PKP4: variants seen among roughly 807,000 people sequenced by gnomAD.
The protein encoded by PKP4 is plakophilin 4.
PKP4 carries 90 observed loss-of-function variants against 145.1 expected under a neutral mutation model. The observed-to-expected ratio is 0.62, with a 90% CI of 0.52 to 0.74. The LOEUF is 0.74. PKP4 is among the 30% of genes least tolerant of loss of function. PKP4 has a pLI of 0.00. For synonymous variants in PKP4, 563 were observed against 577.2 expected (o/e 0.98, Z 0.35); for missense variants, 1,340 against 1,482.7 (o/e 0.90, Z 1.58).
chr2:158,543,454 G>A (rs1053802791), intron 2 of PKP4, among the ~76,000 whole-genome samples: 4 of 152,178 alleles, frequency 2.6e-5, no homozygotes, highest in African/African-American at 9.7e-5. Context: ...TATGTCGGGG[G>A]AAGAGACAGA....
intron 10 of PKP4, among the ~76,000 whole-genome samples, chr2:158,641,369 T>C (rs932749338): frequency 1.3e-5 from 2 of 152,132 alleles, no homozygotes; most frequent in African/African-American, 4.8e-5. Flanking sequence ...AATTATAGTA[T>C]TCATTGAACT....
intron 4 of PKP4, among the ~76,000 whole-genome samples, chr2:158,610,644 A>AT (rs1473563881): frequency 6.6e-6 from 1 of 152,160 alleles, no homozygotes; most frequent in Non-Finnish European, 1.5e-5. Flanking sequence ...ACAGTCATTG[A>AT]TTGTTACTTA....
At chr2:158,660,731 A>G (rs1235852656) in intron 12 of PKP4, 2 of 152,226 alleles carry the variant, frequency 1.3e-5, no homozygotes, top group Non-Finnish European at 2.9e-5. Flanking sequence ...GTTTTAGCAT[A>G]AGCAAATATC....
intron 9 of PKP4, among the ~76,000 whole-genome samples, chr2:158,639,515 T>G (rs1315005162): frequency 6.6e-6 from 1 of 152,212 alleles, no homozygotes; most frequent in African/African-American, 2.4e-5. Context: ...TTTTAAAGGT[T>G]TACTCAGTAT....
intron 11 of PKP4, among the ~76,000 whole-genome samples, chr2:158,645,945 C>T (rs1056950232): frequency 6.6e-6 from 1 of 152,138 alleles, no homozygotes; most frequent in African/African-American, 2.4e-5. Context: ...ACTAGGTTAC[C>T]TGGAGCACAC....
At chr2:158,520,143 C>T (rs915829421) in intron 1 of PKP4, among the ~76,000 whole-genome samples, 9 of 152,142 alleles carry the variant, frequency 5.9e-5, no homozygotes, top group Non-Finnish European at 1.0e-4. Context: ...AACCATTTTG[C>T]AGTGCTTTCC....
At chr2:158,631,988 C>T (rs764568436) in intron 8 of PKP4, 47 bp downstream of exon 8, 2 of 1,543,710 alleles carry the variant, frequency 1.3e-6, no homozygotes, top group Non-Finnish European at 1.8e-6. Context: ...ATAGGCCCCA[C>T]AGTAGAAGTG....
At chr2:158,608,808 CTTTTTT>C (rs66933766) in intron 4 of PKP4, among the ~76,000 whole-genome samples, 2 of 86,182 alleles carry the variant, frequency 2.3e-5, no homozygotes, top group Non-Finnish European at 4.2e-5. Context: ...TCTTTTCTTT[CTTTTTT>C]TTTTTTTTTT....
chr2:158,530,182 GC>G (rs1350832208), intron 1 of PKP4, among the ~76,000 whole-genome samples: 2 of 152,112 alleles, frequency 1.3e-5, no homozygotes, highest in African/African-American at 4.8e-5. Context: ...TTTCTGTGGT[GC>G]CCCATTTTAG....
At chr2:158,608,500 A>G (rs1044084231) in intron 4 of PKP4, among the ~76,000 whole-genome samples, 2 of 152,186 alleles carry the variant, frequency 1.3e-5, no homozygotes, top group African/African-American at 2.4e-5. Flanking sequence ...TAATAACTGC[A>G]TAGTTCCTTA....
chr2:158,480,505 T>C (rs937501232), intron 1 of PKP4, among the ~76,000 whole-genome samples: 1 of 151,650 alleles, frequency 6.6e-6, no homozygotes, highest in Non-Finnish European at 1.5e-5. Context: ...CCAAAGTAGC[T>C]GGATTACAGG....
intron 11 of PKP4, among the ~76,000 whole-genome samples, chr2:158,650,336 T>C (rs1487378358): frequency 6.6e-6 from 1 of 152,202 alleles, no homozygotes; most frequent in East Asian, 1.9e-4. Context: ...CATTATGTCA[T>C]TAATCCTCAA....
chr2:158,503,594 A>G (rs1431063916), intron 1 of PKP4, among the ~76,000 whole-genome samples: 1 of 152,174 alleles, frequency 6.6e-6, no homozygotes, highest in African/African-American at 2.4e-5. Context: ...TTGAAATTTT[A>G]TGTTAAAATT....
At chr2:158,557,462 G>T (rs997182996) in intron 2 of PKP4, among the ~76,000 whole-genome samples, 1 of 152,102 alleles carries the variant, frequency 6.6e-6, no homozygotes, top group African/African-American at 2.4e-5. Context: ...CAAGGTTTCT[G>T]GGACTAAAGT....
chr2:158,549,962 A>G (rs1287927984), intron 2 of PKP4, among the ~76,000 whole-genome samples: 1 of 152,202 alleles, frequency 6.6e-6, no homozygotes, highest in Non-Finnish European at 1.5e-5. Flanking sequence ...ACCTAATGTA[A>G]GTAATATTTT....
At chr2:158,640,241 C>T (rs1316217762) in intron 9 of PKP4, among the ~76,000 whole-genome samples, 1 of 152,234 alleles carries the variant, frequency 6.6e-6, no homozygotes, top group Non-Finnish European at 1.5e-5. Context: ...CCTTCCTCTC[C>T]CTTCAGGCAT....
At position 158,618,344 on chromosome 2, in the gene PKP4, A is replaced by C. The variant is rs140021320; in HGVS notation, c.281-2646A>C. ...TAAACCCAGTTACTTAGATTTTCAA[A>C]TTAGATCCTGGGTACCTGAGAATTT... On this transcript the variant is annotated intron_variant, in intron 4 of 21. Transcript: ENST00000389759. Among the ~76,000 whole-genome samples the C allele has an allele frequency of 8.0e-3, 1,222 of 152,342 alleles. 8 individuals carry two copies. The highest frequency in any genetic ancestry group is 0.014 in the South Asian group (66 of 4,818).
intron 2 of PKP4, 59 bp from the exon 3 acceptor site, chr2:158,577,212 T>C: frequency 2.0e-6 from 2 of 996,872 alleles, no homozygotes; most frequent in South Asian, 1.4e-5. Flanking sequence ...TTAATTCATA[T>C]ATCTGCCTGA....
chr2:158,500,316 C>G (rs1696363883), intron 1 of PKP4, among the ~76,000 whole-genome samples: 1 of 152,156 alleles, frequency 6.6e-6, no homozygotes, highest in Non-Finnish European at 1.5e-5. Flanking sequence ...ACCTTGTTGA[C>G]TGTACCAGTC....
Sources: gnomAD v4.1 joint callset for allele counts (sites outside exome capture counted in the v4.1 genomes callset) on GRCh38, gnomAD v4.1.1 for gene constraint, MANE v1.5 for transcripts, NCBI Gene and HGNC (gene_info 2026-07-23, HGNC 2026-07-21) for gene names.